MUC5B: variants seen among roughly 807,000 people sequenced by gnomAD.
MUC5B encodes mucin-5B.
MUC5B carries 116 observed loss-of-function variants against 376.9 expected under a neutral mutation model. That is an observed-to-expected ratio of 0.31 (90% CI 0.26 to 0.36). The LOEUF (loss-of-function observed/expected upper bound fraction) is 0.36, where lower values mean the gene tolerates loss of function less well. Ranked by LOEUF, MUC5B falls within the 10% of genes least tolerant of loss-of-function variation. The probability of loss-of-function intolerance (pLI) is 1.00; values close to 1 mark genes in which losing one functional copy is unlikely to be tolerated. For missense variants in MUC5B, 7,165 were observed against 7,769.9 expected (o/e 0.92, Z 2.93); for synonymous variants, 3,517 against 3,390.9 (o/e 1.04, Z -1.29).
rs1861792539 is a variant in MUC5B, at chr11:1,223,094, C to A, written c.-30C>A. The A allele has an allele frequency of 2.9e-6, 2 of 696,510 alleles. No individual in the cohort carries two copies. The highest frequency in any genetic ancestry group is 5.2e-6 in the Non-Finnish European group (2 of 381,002). The allele number at this position is 696,510 out of a possible 1,614,324, so 43.1% of individuals were successfully genotyped here. ...CGGCCCGGCTCCCTCCCTGCCCGTCCCCGTCCCCCCACCCGTGCCAGCCCC... is the reference window on the plus strand; with the variant it reads ...CGGCCCGGCTCCCTCCCTGCCCGTCACCGTCCCCCCACCCGTGCCAGCCCC... On this transcript the variant is annotated 5_prime_UTR_variant, in exon 1 of 49. Transcript: ENST00000529681.
At position 1,248,151 on chromosome 11, in the gene MUC5B, C is replaced by T; in HGVS notation, c.11271C>T (p.Ala3757=). The T allele has an allele frequency of 6.3e-7, 1 of 1,594,658 alleles. No homozygotes were observed. Among genetic ancestry groups the T allele is most frequent in the Non-Finnish European group, 8.6e-7 (1 of 1,168,440 alleles). Residue 3757 remains alanine, a synonymous_variant, in exon 31 of 49, where the codon GCC becomes GCT. Transcript: ENST00000529681. ...GCACCCCACATGTGAGCACCACGGC[C>T]ACGACACCCACAGTCACCAGCTCCA... ...TAGTPHVSTT[A]TTPTVTSSKA...
At position 1,226,233 on chromosome 11, in the gene MUC5B, C is replaced by T. The variant is rs1462172471; in HGVS notation, c.156C>T (p.Arg52=). The T allele has an allele frequency of 1.1e-5, 17 of 1,556,098 alleles. No homozygotes were observed. The highest frequency in any genetic ancestry group is 1.7e-4 in the Middle Eastern group (1 of 6,032). ...GGAPTSSPTR[R]VSFVPPVTVF... ...CCCCGACGTCCTCGCCCACCCGGCG[C>T]GTGAGCTTTGTTCCACCCGTCACTG... is the stretch of plus-strand genomic sequence containing the variant. Residue 52 remains arginine, a synonymous_variant, in exon 3 of 49, where the codon CGC becomes CGT. Transcript: ENST00000529681.
chr11:1,234,453 C>A lies in MUC5B; in HGVS notation c.2479-76C>A. ...GCGTTGCCCTGGGTGCTGCTGGGTG[C>A]GCCTGTCCCAGAGGGTGAGTGACAT... On this transcript the variant is annotated intron_variant, in intron 20 of 48. Coordinates refer to ENST00000529681, the MANE Select transcript of MUC5B (RefSeq NM_002458.3). This position sits in a 1 kb window ranked among gnomAD's most constrained non-coding sequence, Gnocchi z 6.3. 6.6e-7 allele frequency: 1 copy of A among 1,526,130 alleles called. No individual in the cohort carries two copies. Among genetic ancestry groups the A allele is most frequent in the Non-Finnish European group, 8.8e-7 (1 of 1,130,912 alleles). The allele number at this position is 1,526,130 out of a possible 1,614,324, so 94.5% of individuals were successfully genotyped here.
Position 1,251,410 on chromosome 11 carries a change from A to G in MUC5B, c.14530A>G (p.Thr4844Ala). The change falls in exon 31 of 49, where the codon ACC becomes GCC. Residue 4844 changes from threonine (T) to alanine (A), a missense_variant. By Grantham distance (58) the Thr-to-Ala change is moderately conservative (BLOSUM62 0). Coordinates refer to ENST00000529681, the MANE Select transcript of MUC5B (RefSeq NM_002458.3). ...GGCCACCCTGTCCTCCACCCCAGGG[A>G]CCACCTGGATCCTCACAGAGCCGAG... Reference protein sequence around the residue: ...STATLSSTPGTTWILTEPSTI... With the variant: ...STATLSSTPGATWILTEPSTI... 6.2e-7 allele frequency: 1 copy of G among 1,612,570 alleles called. No individual in the cohort carries two copies. The highest frequency in any genetic ancestry group is 8.5e-7 in the Non-Finnish European group (1 of 1,179,224).
At position 1,246,257 on chromosome 11, in the gene MUC5B, C is replaced by G. The variant is rs561995967; in HGVS notation, c.9377C>G (p.Ser3126Cys). ...TRATSSMSTP[S>C]STPGTTWILT... ...GCCACCAGTTCCATGTCCACCCCCT[C>G]CTCCACTCCGGGGACGACCTGGATC... Residue 3126 changes from serine (S) to cysteine (C), a missense_variant, in exon 31 of 49, where the codon TCC (serine) becomes TGC (cysteine). Ser to Cys is a moderately radical substitution (Grantham distance 112). Coordinates refer to ENST00000529681, the MANE Select transcript of MUC5B (RefSeq NM_002458.3). 8.1e-6 allele frequency: 13 copies of G among 1,612,708 alleles called. No individual in the cohort carries two copies. The highest frequency in any genetic ancestry group is 1.0e-5 in the Non-Finnish European group (12 of 1,179,430).
Position 1,234,330 on chromosome 11 carries a change from G to A in MUC5B, c.2478+25G>A. On this transcript the variant is annotated intron_variant, in intron 20 of 48. Coordinates refer to ENST00000529681, the MANE Select transcript of MUC5B (RefSeq NM_002458.3). The surrounding 1 kb of genome is among the most constrained non-coding windows in gnomAD (Gnocchi z 6.3). ...TGTGAGTTCCATGCTTCAGGGAGGG[G>A]TGGGCAGGGAAGGGGTCCCAGCTTT... 1 of 1,534,998 alleles carries A rather than the reference G, an allele frequency of 6.5e-7. No individual in the cohort carries two copies. The highest frequency in any genetic ancestry group is 8.9e-7 in the Non-Finnish European group (1 of 1,121,118).
At position 1,249,621 on chromosome 11, in the gene MUC5B, C is replaced by T; in HGVS notation, c.12741C>T (p.Thr4247=). The T allele has an allele frequency of 6.2e-7, 1 of 1,611,910 alleles. No individual in the cohort carries two copies. Among genetic ancestry groups the T allele is most frequent in the Middle Eastern group, 1.7e-4 (1 of 6,056 alleles). The change falls in exon 31 of 49, where the codon ACC becomes ACT. Residue 4247 remains threonine, a synonymous_variant. Transcript: ENST00000529681. ...TAMPSSTPGT[T]WILTELTTTA... ...TGCCCTCCTCCACTCCGGGGACGACCTGGATCCTCACAGAGCTGACCACAA... is the reference window on the plus strand; with the variant it reads ...TGCCCTCCTCCACTCCGGGGACGACTTGGATCCTCACAGAGCTGACCACAA...
intron 32 of MUC5B, 107 bp from the exon 33 acceptor site, chr11:1,252,702 G>A: frequency 2.1e-6 from 3 of 1,449,594 alleles, no homozygotes; most frequent in Non-Finnish European, 2.8e-6. Flanking sequence ...CCCTCCTCAG[G>A]CAGGCTCTTG....
chr11:1,261,373 C>T lies in MUC5B; in HGVS notation c.17070-16C>T, dbSNP rs751675682. On this transcript the variant is annotated splice_polypyrimidine_tract_variant and intron_variant, in intron 48 of 48. Coordinates refer to ENST00000529681, the MANE Select transcript of MUC5B (RefSeq NM_002458.3). ...GGGCCAAGGTGGCTGATGTGAGGGC[C>T]ACCCTGCGTCCACAGGTACTCAGCA... 1.3e-6 allele frequency: 2 copies of T among 1,537,958 alleles called. No homozygotes were observed. The highest frequency in any genetic ancestry group is 2.4e-5 in the South Asian group (2 of 83,964).
chr11:1,234,257 C>A lies in MUC5B; in HGVS notation c.2430C>A (p.Thr810=). The A allele has an allele frequency of 6.2e-7, 1 of 1,607,292 alleles. No individual in the cohort carries two copies. Among genetic ancestry groups the A allele is most frequent in the Non-Finnish European group, 8.5e-7 (1 of 1,178,552 alleles). Residue 810 remains threonine, a synonymous_variant, in exon 20 of 49, where the codon ACC becomes ACA. Transcript: ENST00000529681. The surrounding 1 kb of genome is among the most constrained non-coding windows in gnomAD (Gnocchi z 6.3). The part of the protein sequence containing the change: ...YLDCSNSSAG[T]PGAECLRSCH... The stretch of plus-strand genomic sequence containing the variant: ...ACTGCAGCAACAGCTCGGCGGGCAC[C>A]CCTGGGGCCGAGTGCCTCCGGAGCT...
chr11:1,243,127 C>A lies in MUC5B; in HGVS notation c.6247C>A (p.Pro2083Thr). The A allele has an allele frequency of 9.9e-6, 16 of 1,610,524 alleles. No individual in the cohort carries two copies. Among genetic ancestry groups the A allele is most frequent in the Non-Finnish European group, 1.4e-5 (16 of 1,178,440 alleles). The change falls in exon 31 of 49, where the codon CCC becomes ACC. Residue 2083 changes from proline (P) to threonine (T), a missense_variant. Pro to Thr is a conservative substitution (Grantham distance 38). Transcript: ENST00000529681. ...AGTGTGGATCAGCACAACCACCACA[C>A]CCACAACCAGAGGCTCCACGGTGAC... ...PPVWISTTTT[P>T]TTRGSTVTPS...
In MUC5B at chr11:1,258,478, C is replaced by A; in HGVS notation, c.16593+111C>A. ...GTCTTGACATTCCTGCCCTGAGGGC[C>A]GATCCGCACAGGGGCCCTGGACACG... On this transcript the variant is annotated intron_variant, in intron 43 of 48. Coordinates refer to ENST00000529681, the MANE Select transcript of MUC5B (RefSeq NM_002458.3). The surrounding 1 kb of genome is among the most constrained non-coding windows in gnomAD (Gnocchi z 5.5). 1 of 1,305,626 alleles carries A rather than the reference C, an allele frequency of 7.7e-7. No individual in the cohort carries two copies. Among genetic ancestry groups the A allele is most frequent in the Non-Finnish European group, 1.1e-6 (1 of 946,524 alleles). The allele number at this position is 1,305,626 out of a possible 1,614,324, so 80.9% of individuals were successfully genotyped here.
chr11:1,224,819 A>ATG (rs1861845684), intron 1 of MUC5B, among the ~76,000 whole-genome samples: 1 of 152,114 alleles, frequency 6.6e-6, no homozygotes, highest in Non-Finnish European at 1.5e-5. Flanking sequence ...AGTGCGAACC[A>ATG]CAGGGCCGGC....
rs762225595 is a variant in MUC5B at position 1,230,470 on chromosome 11, G to A, written c.1360-20G>A. ...CATCATCGAGCCAGGCCCAATGCAC[G>A]CGTGGGTCCTTCTCCCCAGAAATGT... is the stretch of plus-strand genomic sequence containing the variant. On this transcript the variant is annotated intron_variant, in intron 11 of 48. Transcript: ENST00000529681. 6 of 1,579,358 alleles carry A rather than the reference G, an allele frequency of 3.8e-6. No individual in the cohort carries two copies. The highest frequency in any genetic ancestry group is 2.3e-5 in the East Asian group (1 of 43,210).
intron 48 of MUC5B, 121 bp from the exon 49 acceptor site, chr11:1,261,268 A>C: frequency 1.2e-6 from 1 of 830,730 alleles, no homozygotes; most frequent in Non-Finnish European, 1.9e-6. Context: ...AGAGCAGGCC[A>C]CTGTGGACAG....
At chr11:1,230,237 G>C (rs1861992933) in intron 11 of MUC5B, 94 bp downstream of exon 11, 2 of 1,469,614 alleles carry the variant, frequency 1.4e-6, no homozygotes, top group East Asian at 2.3e-5. Flanking sequence ...TGGTCATAGA[G>C]GGGTGGATGT....
Position 1,261,682 on chromosome 11 carries a change from G to T in MUC5B, c.*74G>T. 6.9e-7 allele frequency: 1 copy of T among 1,440,292 alleles called. No homozygotes were observed. The allele number at this position is 1,440,292 out of a possible 1,614,324, so 89.2% of individuals were successfully genotyped here. A position where few individuals can be genotyped will look rare whatever the true frequency, so the allele number is the denominator to read the frequency against. ...TGCATTGTCTGATCATGAAAACCTT[G>T]GGCCTCCTCTGCGGAGCCCCCCGGC... On this transcript the variant is annotated 3_prime_UTR_variant, in exon 49 of 49. Coordinates refer to ENST00000529681, the MANE Select transcript of MUC5B (RefSeq NM_002458.3).
At position 1,258,860 on chromosome 11, in the gene MUC5B, C is replaced by A; in HGVS notation, c.16594-82C>A. On this transcript the variant is annotated intron_variant, in intron 43 of 48. Coordinates refer to ENST00000529681, the MANE Select transcript of MUC5B (RefSeq NM_002458.3). This position sits in a 1 kb window ranked among gnomAD's most constrained non-coding sequence, Gnocchi z 5.5. ...CATCTGAGGAAGGAACAACTCCCTG[C>A]AGGCCCCATTGGGTCATGGGGAGGG... The A allele has an allele frequency of 6.6e-7, 1 of 1,520,994 alleles. No individual in the cohort carries two copies. The allele number at this position is 1,520,994 out of a possible 1,614,324, so 94.2% of individuals were successfully genotyped here. A position where few individuals can be genotyped will look rare whatever the true frequency, so the allele number is the denominator to read the frequency against.
At chr11:1,238,757 C>A in intron 25 of MUC5B, 114 bp from the exon 26 acceptor site, 2 of 1,177,550 alleles carry the variant, frequency 1.7e-6, no homozygotes, top group Non-Finnish European at 2.4e-6. Flanking sequence ...GCTCAGAGAG[C>A]TGCCATGGGG....
Sources: gnomAD v4.1 joint callset for allele counts (sites outside exome capture counted in the v4.1 genomes callset) on GRCh38, gnomAD v4.1.1 for gene constraint, Gnocchi (gnomAD v3.1) non-coding constraint, MANE v1.5 for transcripts, NCBI Gene and HGNC (gene_info 2026-07-23, HGNC 2026-07-21) for gene names.